ZNF277: variants seen among roughly 807,000 people sequenced by gnomAD.
ZNF277 encodes zinc finger protein 277, also known as nuclear receptor-interacting factor 4.
ZNF277 carries 55 observed loss-of-function variants against 60.7 expected under a neutral mutation model. That is an observed-to-expected ratio of 0.91 (90% confidence interval 0.73 to 1.13). The LOEUF (loss-of-function observed/expected upper bound fraction) is 1.13. ZNF277 is among the 50% of genes most tolerant of loss of function. The pLI is 0.00. For missense variants in ZNF277, 510 were observed against 523.0 expected (o/e 0.98, Z 0.24); for synonymous variants, 178 against 179.3 (o/e 0.99, Z 0.06).
At chr7:112,244,745 CTTAGA>C (rs1051772017) in intron 1 of ZNF277, among the ~76,000 whole-genome samples, 15 of 152,156 alleles carry the variant, frequency 9.9e-5, no homozygotes, top group African/African-American at 3.6e-4. Flanking sequence ...ATTTTATTAA[CTTAGA>C]TTAGAATTTA....
intron 1 of ZNF277, among the ~76,000 whole-genome samples, chr7:112,226,867 A>G (rs1822189214): frequency 6.6e-6 from 1 of 152,038 alleles, no homozygotes; most frequent in Non-Finnish European, 1.5e-5. Context: ...TTTTAGTGAA[A>G]GCTTTTTTTT....
At chr7:112,263,505 CCTT>C (rs1159308911) in intron 1 of ZNF277, among the ~76,000 whole-genome samples, 1 of 152,146 alleles carries the variant, frequency 6.6e-6, no homozygotes, top group African/African-American at 2.4e-5. Context: ...TAGAAACAGG[CCTT>C]CTTCTTTATC....
chr7:112,291,068 T>A (rs915679729), intron 2 of ZNF277, among the ~76,000 whole-genome samples: 9 of 152,142 alleles, frequency 5.9e-5, no homozygotes, highest in Admixed American at 3.3e-4. Context: ...AAAATAACAC[T>A]AAAACTTCCT....
At chr7:112,240,860 G>A (rs990991148) in intron 1 of ZNF277, among the ~76,000 whole-genome samples, 16 of 152,050 alleles carry the variant, frequency 1.1e-4, no homozygotes, top group African/African-American at 3.9e-4. Flanking sequence ...AAATCAAAAT[G>A]GATTAAAGAC....
At chr7:112,269,210 G>GT (rs55937027) in intron 1 of ZNF277, among the ~76,000 whole-genome samples, 107,662 of 146,218 alleles carry the variant, frequency 0.74, 39,169 homozygotes, top group East Asian at 0.93. Flanking sequence ...GATTTTTTTT[G>GT]TTTTTTTTTT....
chr7:112,310,489 G>GAGAGAGAGAGAGAGAGAGAGAGAGAGAA lies in ZNF277; in HGVS notation c.466-7693_466-7692insAGAGAGAGAGAGAGAGAGAGAGAGAGAA, dbSNP rs1305151299. Among the ~76,000 whole-genome samples the GAGAGAGAGAGAGAGAGAGAGAGAGAGAA allele has an allele frequency of 4.5e-4, 64 of 142,768 alleles. 2 individuals carry two copies. The highest frequency in any genetic ancestry group is 1.7e-3 in the African/African-American group (56 of 33,580). 93.7% of individuals were successfully genotyped at this position (142,768 alleles called of 152,430 possible). On this transcript the variant is annotated intron_variant, in intron 4 of 11. Transcript: ENST00000361822. ...AGAGAGAGAGAGAGAGTGTGTGTGT[G>GAGAGAGAGAGAGAGAGAGAGAGAGAGAA]TGTATGTATTTTATTTTTTATTTGC...
intron 2 of ZNF277, among the ~76,000 whole-genome samples, chr7:112,291,383 G>A (rs1031972204): frequency 1.3e-5 from 2 of 152,088 alleles, no homozygotes; most frequent in Admixed American, 1.3e-4. Context: ...ATGATTTGAA[G>A]TTCCTTTGGA....
intron 1 of ZNF277, among the ~76,000 whole-genome samples, chr7:112,225,507 C>T (rs1822151996): frequency 6.6e-6 from 1 of 152,166 alleles, no homozygotes. Flanking sequence ...TGATAGAACA[C>T]ATTAAATTAT....
chr7:112,244,115 A>G (rs888041335), intron 1 of ZNF277, among the ~76,000 whole-genome samples: 2 of 152,174 alleles, frequency 1.3e-5, no homozygotes, highest in African/African-American at 4.8e-5. Context: ...TCATGGACAC[A>G]GAGAGTGGAA....
At chr7:112,317,173 A>G (rs1792864133) in intron 4 of ZNF277, among the ~76,000 whole-genome samples, 1 of 152,096 alleles carries the variant, frequency 6.6e-6, no homozygotes, top group Admixed American at 6.6e-5. Context: ...TAGGGAAGGG[A>G]TAATATTAGG....
intron 8 of ZNF277, 28 bp from the exon 9 acceptor site, chr7:112,337,702 G>T (rs375287546): frequency 1.8e-5 from 28 of 1,590,054 alleles, no homozygotes; most frequent in Non-Finnish European, 2.2e-5. Context: ...GGGAATCTCC[G>T]TATTTTCTCT....
At chr7:112,237,084 C>T (rs1790814952) in intron 1 of ZNF277, among the ~76,000 whole-genome samples, 1 of 152,018 alleles carries the variant, frequency 6.6e-6, no homozygotes, top group African/African-American at 2.4e-5. Flanking sequence ...AAGGAATTCT[C>T]AAAACTACAC....
intron 2 of ZNF277, among the ~76,000 whole-genome samples, chr7:112,292,072 G>A (rs763815617): frequency 6.6e-6 from 1 of 152,124 alleles, no homozygotes; most frequent in African/African-American, 2.4e-5. Context: ...GGGCAACCGA[G>A]GTTCTGCCAG....
chr7:112,338,187 C>T (rs193208328), intron 9 of ZNF277, among the ~76,000 whole-genome samples: 7 of 152,144 alleles, frequency 4.6e-5, no homozygotes, highest in East Asian at 1.9e-4. Flanking sequence ...ACAAAGGTCC[C>T]GGAGGAATAG....
intron 1 of ZNF277, among the ~76,000 whole-genome samples, chr7:112,231,347 T>G (rs952181053): frequency 4.6e-5 from 7 of 152,188 alleles, no homozygotes; most frequent in Admixed American, 3.9e-4. Context: ...GAAATGCTGG[T>G]TTGTCACTAT....
chr7:112,225,574 A>G (rs1418186193), intron 1 of ZNF277, among the ~76,000 whole-genome samples: 1 of 152,166 alleles, frequency 6.6e-6, no homozygotes, highest in East Asian at 1.9e-4. Context: ...AGTTGTTTCT[A>G]CAAATAGGGC....
intron 6 of ZNF277, chr7:112,328,502 C>A (rs1793150280): frequency 6.6e-6 from 1 of 151,982 alleles, no homozygotes; most frequent in Non-Finnish European, 1.5e-5. Context: ...CTCTGAGAAC[C>A]CAGTTTTCTT....
At chr7:112,307,094 G>A (rs1250366203) in intron 4 of ZNF277, among the ~76,000 whole-genome samples, 4 of 152,038 alleles carry the variant, frequency 2.6e-5, no homozygotes, top group Admixed American at 6.6e-5. Context: ...CTAAAGAATG[G>A]TCCCCAGAAG....
intron 6 of ZNF277, 53 bp from the exon 7 acceptor site, chr7:112,330,031 T>C (rs1252750560): frequency 1.2e-5 from 18 of 1,558,380 alleles, no homozygotes; most frequent in Non-Finnish European, 1.6e-5. Context: ...TAAAGGATTA[T>C]TGCAGCAACT....
Sources: gnomAD v4.1 joint callset for allele counts (sites outside exome capture counted in the v4.1 genomes callset) on GRCh38, gnomAD v4.1.1 for gene constraint, MANE v1.5 for transcripts, NCBI Gene and HGNC (gene_info 2026-07-23, HGNC 2026-07-21) for gene names.